ATP6AP2: variants seen among roughly 807,000 people sequenced by gnomAD.
ATP6AP2 encodes the protein renin receptor.
ATP6AP2 carries 1 observed loss-of-function variant against 23.4 expected under a neutral mutation model. The observed-to-expected ratio is 0.04, with a 90% CI of 0.02 to 0.20. The LOEUF (loss-of-function observed/expected upper bound fraction) is 0.20, where lower values mean the gene tolerates loss of function less well. Among genes scored for constraint, ATP6AP2 ranks in the 10% least tolerant of loss-of-function variants. The pLI is 1.00. For missense variants in ATP6AP2, 174 were observed against 271.3 expected (o/e 0.64, Z 2.52); for synonymous variants, 90 against 97.1 (o/e 0.93, Z 0.43).
At chrX:40,595,155 T>C (rs530084933) in intron 3 of ATP6AP2, among the ~76,000 whole-genome samples, 5 of 112,206 alleles carry the variant, frequency 4.5e-5, no homozygotes, top group African/African-American at 1.6e-4. Flanking sequence ...AAAATAAAGA[T>C]TTAAAAACAG....
intron 3 of ATP6AP2, chrX:40,595,975 T>G (rs1164956566): frequency 2.7e-5 from 3 of 111,433 alleles, no homozygotes; most frequent in African/African-American, 9.8e-5. Flanking sequence ...GGCCAGGAGT[T>G]TGAGACTAGC....
intron 2 of ATP6AP2, 44 bp downstream of exon 2, chrX:40,589,160 AT>A: frequency 8.5e-7 from 1 of 1,176,118 alleles, no homozygotes; most frequent in Non-Finnish European, 1.2e-6. Flanking sequence ...TTTTAAGAAC[AT>A]TTTTACTGAT....
intron 7 of ATP6AP2, 55 bp downstream of exon 7, chrX:40,599,796 C>T (rs1926860931): frequency 1.7e-6 from 2 of 1,187,719 alleles, no homozygotes; most frequent in South Asian, 3.6e-5. Flanking sequence ...CTTTTAGCCT[C>T]TTAATAGAAA....
At chrX:40,595,728 G>A (rs191415828) in intron 3 of ATP6AP2, 21 of 111,908 alleles carry the variant, frequency 1.9e-4, no homozygotes, top group African/African-American at 5.5e-4. Context: ...GATTCAGGGC[G>A]GCTGCTAGCA....
intron 1 of ATP6AP2, among the ~76,000 whole-genome samples, chrX:40,585,743 C>T (rs888976175): frequency 9.0e-5 from 10 of 111,016 alleles, no homozygotes; most frequent in Non-Finnish European, 1.9e-4. Context: ...GTAGTCCCAG[C>T]CACTCAGGAG....
intron 2 of ATP6AP2, chrX:40,590,413 C>T (rs1926598609): frequency 9.0e-6 from 1 of 111,150 alleles, no homozygotes; most frequent in African/African-American, 3.3e-5. Flanking sequence ...GGGTCCCGCT[C>T]TATCACCCAA....
At chrX:40,601,809 G>A (rs761916632) in intron 8 of ATP6AP2, among the ~76,000 whole-genome samples, 7 of 112,009 alleles carry the variant, frequency 6.2e-5, no homozygotes, top group African/African-American at 9.7e-5. Flanking sequence ...TCGGAAGGTC[G>A]AAGCCAGTGC....
intron 3 of ATP6AP2, among the ~76,000 whole-genome samples, chrX:40,593,063 C>T (rs1204413919): frequency 8.9e-6 from 1 of 111,937 alleles, no homozygotes; most frequent in Non-Finnish European, 1.9e-5. Context: ...GCCTGGCCAA[C>T]ATGGCTAAAC....
rs758232294 is a variant in ATP6AP2, at chrX:40,597,692, G to A, written c.534+28G>A. The A allele has an allele frequency of 2.5e-6, 3 of 1,177,864 alleles. No homozygotes were observed. The Admixed American group carries it at 6.5e-5, about 26-fold the overall frequency. On this transcript the variant is annotated intron_variant, in intron 5 of 8. Coordinates refer to ENST00000636580, the MANE Select transcript of ATP6AP2 (RefSeq NM_005765.3). ...AAGTGCAGTTATTCAATGAATACAT[G>A]AATATCATTAATTTCCGTCTTTTTA... is the stretch of plus-strand genomic sequence containing the variant.
At chrX:40,604,955 C>T (rs905687268) in intron 8 of ATP6AP2, among the ~76,000 whole-genome samples, 2 of 70,686 alleles carry the variant, frequency 2.8e-5, no homozygotes, top group East Asian at 4.4e-4. Flanking sequence ...TTTTTTGAGA[C>T]GGAGTTTTGC....
intron 1 of ATP6AP2, among the ~76,000 whole-genome samples, chrX:40,583,648 A>G (rs1926385472): frequency 8.9e-6 from 1 of 111,921 alleles, no homozygotes; most frequent in Non-Finnish European, 1.9e-5. Context: ...GTTATGGGAA[A>G]GGCTGGATTA....
At chrX:40,585,305 A>G (rs903207803) in intron 1 of ATP6AP2, among the ~76,000 whole-genome samples, 4 of 111,642 alleles carry the variant, frequency 3.6e-5, no homozygotes, top group African/African-American at 1.3e-4. Flanking sequence ...CTACTTTCCA[A>G]TTTTGGGCTG....
In ATP6AP2 at chrX:40,597,660, A is replaced by G. The variant is rs377762605; in HGVS notation, c.530A>G (p.Asn177Ser). ...SLPLNSLSRN[N>S]EVDLLFLSEL... ...CCCCTCAATTCTCTGAGTAGGAACA[A>G]TGAAGTAAGTGCAGTTATTCAATGA... Residue 177 changes from asparagine (N) to serine (S), a missense_variant, in exon 5 of 9, where the codon AAT becomes AGT. Coordinates refer to ENST00000636580, the MANE Select transcript of ATP6AP2 (RefSeq NM_005765.3). 7 of 1,203,173 alleles carry G rather than the reference A, an allele frequency of 5.8e-6. No homozygotes were observed. Among genetic ancestry groups the G allele is most frequent in the Non-Finnish European group, 7.9e-6 (7 of 889,073 alleles).
At chrX:40,591,762 G>T in intron 3 of ATP6AP2, 1 of 202,114 alleles carries the variant, frequency 4.9e-6, no homozygotes, top group East Asian at 1.3e-4. Context: ...CTGCTTGCTG[G>T]CTCACTTACT....
intron 3 of ATP6AP2, among the ~76,000 whole-genome samples, chrX:40,594,159 T>C (rs1926720530): frequency 8.9e-6 from 1 of 112,370 alleles, no homozygotes; most frequent in African/African-American, 3.2e-5. Context: ...TGTAAACTTA[T>C]AACAAAACAT....
intron 7 of ATP6AP2, chrX:40,600,146 CTA>C (rs1337912864): frequency 4.9e-6 from 1 of 205,529 alleles, no homozygotes. Context: ...TCCTTAAACA[CTA>C]TGAGATAACT....
intron 8 of ATP6AP2, among the ~76,000 whole-genome samples, chrX:40,602,660 A>C (rs1425982419): frequency 4.6e-5 from 5 of 107,880 alleles, no homozygotes; most frequent in Non-Finnish European, 7.7e-5. Context: ...AAAAAAAAAA[A>C]AAAAAACCGA....
intron 1 of ATP6AP2, among the ~76,000 whole-genome samples, chrX:40,587,294 A>C (rs1021670258): frequency 8.9e-6 from 1 of 112,377 alleles, no homozygotes; most frequent in African/African-American, 3.2e-5. Context: ...AAATATGTGT[A>C]TGGTTCTTGG....
At chrX:40,586,166 G>A (rs773817235) in intron 1 of ATP6AP2, among the ~76,000 whole-genome samples, 2 of 111,659 alleles carry the variant, frequency 1.8e-5, no homozygotes, top group Middle Eastern at 9.3e-3. Flanking sequence ...CCAATGTGTC[G>A]GGCTCTGTTC....
Sources: allele counts gnomAD v4.1 joint callset (sites outside exome capture counted in the v4.1 genomes callset), GRCh38; gene constraint gnomAD v4.1.1; transcripts MANE v1.5; gene names NCBI Gene and HGNC (gene_info 2026-07-23, HGNC 2026-07-21).